The following RBP7 variants were observed in gnomAD, a reference collection of about 807,000 sequenced individuals.
RBP7 encodes the protein retinol binding protein 7.
A neutral mutation model predicts 16.7 loss-of-function variants in RBP7; 13 were observed. The ratio of observed to expected loss-of-function variants is 0.78; its 90% CI spans 0.51 to 1.24. The LOEUF (loss-of-function observed/expected upper bound fraction) is 1.24, where lower values mean the gene tolerates loss of function less well. Among genes scored for constraint, RBP7 ranks in the 50% most tolerant of loss-of-function variants. The pLI, the probability that RBP7 is intolerant of heterozygous loss-of-function variation, is 0.00. For synonymous variants in RBP7, 54 were observed against 56.2 expected (o/e 0.96, Z 0.17); for missense variants, 145 against 159.5 (o/e 0.91, Z 0.49).
chr1:10,009,193 C>T (rs6693915), intron 3 of RBP7, among the ~76,000 whole-genome samples: 2 of 152,100 alleles, frequency 1.3e-5, no homozygotes, highest in African/African-American at 2.4e-5. Context: ...GGGCGGATCA[C>T]GAGGTCAGGA....
chr1:10,001,134 A>T (rs1167238782), intron 1 of RBP7, among the ~76,000 whole-genome samples: 4 of 152,102 alleles, frequency 2.6e-5, no homozygotes, highest in African/African-American at 9.7e-5. Flanking sequence ...ACATCTCATG[A>T]TGTGCTCCAG....
At chr1:10,010,279 G>C (rs1013967984) in intron 3 of RBP7, among the ~76,000 whole-genome samples, 7 of 150,948 alleles carry the variant, frequency 4.6e-5, no homozygotes, top group East Asian at 2.0e-4. Context: ...CGACACCTGG[G>C]TAATTTTTGT....
At chr1:10,014,148 G>A (rs1039327469) in intron 3 of RBP7, among the ~76,000 whole-genome samples, 3 of 152,158 alleles carry the variant, frequency 2.0e-5, no homozygotes, top group African/African-American at 7.2e-5. Context: ...CCTGAGGGAA[G>A]AGGGGCTGGA....
rs372031455 is a variant in RBP7 at position 10,015,881 on chromosome 1, T to G, written c.*49T>G. The G allele has an allele frequency of 3.9e-6, 6 of 1,550,766 alleles. No individual in the cohort carries two copies. Among genetic ancestry groups the G allele is most frequent in the Non-Finnish European group, 5.3e-6 (6 of 1,123,092 alleles). ...CTTGTGGCTGCAGCTTTATGCCAAA[T>G]TATATTGCAGACTGAACAGACGTTT... On this transcript the variant is annotated 3_prime_UTR_variant, in exon 4 of 4. Coordinates refer to ENST00000294435, the MANE Select transcript of RBP7 (RefSeq NM_052960.3).
intron 3 of RBP7, 35 bp from the exon 4 acceptor site, chr1:10,015,747 T>G (rs1486162309): frequency 6.3e-7 from 1 of 1,592,756 alleles, no homozygotes; most frequent in Non-Finnish European, 8.6e-7. Context: ...ACATGCAAAC[T>G]GATCCTTCTT....
intron 3 of RBP7, among the ~76,000 whole-genome samples, chr1:10,013,922 G>A (rs116288614): frequency 2.6e-5 from 4 of 152,028 alleles, no homozygotes; most frequent in African/African-American, 7.2e-5. Context: ...GCTAAGGTGA[G>A]CCATGACTGC....
At position 10,006,726 on chromosome 1, in the gene RBP7, C is replaced by CGTGTGTGT. The variant is rs139188536; in HGVS notation, c.74-825_74-818dup. Reference sequence around the variant, plus strand: ...AAAAAAAGAAAAAAAAAAGTATATACGTGTGTGTGTGTGTGTGTGTGTGTG... The same window carrying CGTGTGTGT: ...AAAAAAAGAAAAAAAAAAGTATATACGTGTGTGTGTGTGTGTGTGTGTGTGTGTGTGTG... On this transcript the variant is annotated intron_variant, in intron 1 of 3. Coordinates refer to ENST00000294435, the MANE Select transcript of RBP7 (RefSeq NM_052960.3). Among the ~76,000 whole-genome samples the CGTGTGTGT allele has an allele frequency of 6.9e-5, 9 of 129,538 alleles. No individual in the cohort carries two copies. In the East Asian group the frequency reaches 1.6e-3, roughly 23 times the overall value. 85.0% of individuals were successfully genotyped at this position (129,538 alleles called of 152,430 possible).
chr1:10,007,607 G>A lies in RBP7; in HGVS notation c.111G>A (p.Leu37=), dbSNP rs749358516. 5 of 1,613,046 alleles carry A rather than the reference G, an allele frequency of 3.1e-6. No individual in the cohort carries two copies. Among genetic ancestry groups the A allele is most frequent in the African/African-American group, 1.3e-5 (1 of 74,804 alleles). The change falls in exon 2 of 4, where the codon CTG becomes CTA. Residue 37 remains leucine, a synonymous_variant. Transcript: ENST00000294435. ...CCACTCGTAAAATAGCCAAGTTGCT[G>A]AAGCCACAGAAAGTGATTGAGCAGA... The part of the protein sequence containing the change: ...DFATRKIAKL[L]KPQKVIEQNG...
At chr1:10,008,719 A>G (rs1383534558) in intron 3 of RBP7, among the ~76,000 whole-genome samples, 1 of 151,588 alleles carries the variant, frequency 6.6e-6, no homozygotes, top group Non-Finnish European at 1.5e-5. Flanking sequence ...GATTACAGGC[A>G]TGAGCCACCA....
intron 1 of RBP7, among the ~76,000 whole-genome samples, chr1:9,998,537 T>G (rs1297958833): frequency 6.6e-6 from 1 of 151,360 alleles, no homozygotes; most frequent in Non-Finnish European, 1.5e-5. Flanking sequence ...CCTCTCCGAG[T>G]AGCTGGGACT....
chr1:10,007,269 A>G, intron 1 of RBP7: 1 of 312,582 alleles, frequency 3.2e-6, no homozygotes, highest in Non-Finnish European at 6.0e-6. Flanking sequence ...TTTTTTATAG[A>G]GACAGGGTCT....
chr1:10,012,643 A>T (rs1309306923), intron 3 of RBP7, among the ~76,000 whole-genome samples: 2 of 147,700 alleles, frequency 1.4e-5, no homozygotes, highest in South Asian at 2.2e-4. Context: ...AAAAAAAAAG[A>T]AAAGGAAGGC....
intron 1 of RBP7, among the ~76,000 whole-genome samples, chr1:10,006,133 A>G (rs1264991253): frequency 6.6e-6 from 1 of 152,202 alleles, no homozygotes; most frequent in African/African-American, 2.4e-5. Flanking sequence ...AAAGGCAGTA[A>G]GTGGAACTGG....
At chr1:10,013,638 G>A (rs1228080016) in intron 3 of RBP7, among the ~76,000 whole-genome samples, 1 of 151,956 alleles carries the variant, frequency 6.6e-6, no homozygotes. Context: ...GTGAAATGCT[G>A]TCTCTACTAA....
At chr1:10,007,442 A>T (rs1339537423) in intron 1 of RBP7, 128 bp from the exon 2 acceptor site, 18 of 731,276 alleles carry the variant, frequency 2.5e-5, no homozygotes, top group Non-Finnish European at 3.8e-5. Context: ...TGATTTTGGC[A>T]GCAAACAACA....
chr1:10,013,746 G>T (rs1280674976), intron 3 of RBP7, among the ~76,000 whole-genome samples: 1 of 151,990 alleles, frequency 6.6e-6, no homozygotes, highest in Non-Finnish European at 1.5e-5. Flanking sequence ...GGAGGTGGAG[G>T]TTGCAGTGAG....
rs764434879 is a variant in RBP7, at chr1:9,997,329, TAG to T, written c.72_73del (p.Gly25TyrfsTer2). 1.2e-6 allele frequency: 2 copies of T among 1,610,366 alleles called. No homozygotes were observed. Among genetic ancestry groups the T allele is most frequent in the Non-Finnish European group, 1.7e-6 (2 of 1,178,772 alleles). ...AACTTCGAGGGCTACATGCTGGCCC[TAG>T]GTAAGGCGGAGGGGAGGCGGCGGCG... On this transcript the variant is annotated frameshift_variant and splice_region_variant, in exon 1 of 4. Transcript: ENST00000294435. LOFTEE classifies it high-confidence loss of function. This position sits in a 1 kb window ranked among gnomAD's most constrained non-coding sequence, Gnocchi z 5.9.
chr1:10,015,287 A>G (rs990237986), intron 3 of RBP7, among the ~76,000 whole-genome samples: 2 of 152,082 alleles, frequency 1.3e-5, no homozygotes, highest in Admixed American at 6.6e-5. Context: ...TAAAAATACA[A>G]AAATTAGCAG....
intron 1 of RBP7, among the ~76,000 whole-genome samples, chr1:10,005,522 T>G (rs925286292): frequency 1.7e-4 from 26 of 151,810 alleles, no homozygotes; most frequent in African/African-American, 6.3e-4. Flanking sequence ...TTTCTTAGGA[T>G]GAGGACATTT....
Sources: gnomAD v4.1 joint callset for allele counts (sites outside exome capture counted in the v4.1 genomes callset) on GRCh38, gnomAD v4.1.1 for gene constraint, Gnocchi (gnomAD v3.1) non-coding constraint, MANE v1.5 for transcripts, NCBI Gene and HGNC (gene_info 2026-07-23, HGNC 2026-07-21) for gene names.